Variants in DAAM2 observed in about 807,000 individuals in gnomAD.
DAAM2 encodes the protein disheveled-associated activator of morphogenesis 2.
Under a neutral mutation model 120.7 loss-of-function variants are expected in DAAM2, and 39 were observed. That is an observed-to-expected ratio of 0.32 (90% CI 0.25 to 0.42). The LOEUF (loss-of-function observed/expected upper bound fraction) is 0.42, where lower values mean the gene tolerates loss of function less well. DAAM2 is among the 10% of genes least tolerant of loss of function. DAAM2 has a pLI of 1.00. For synonymous variants in DAAM2, 488 were observed against 524.9 expected (o/e 0.93, Z 0.96); for missense variants, 1,283 against 1,401.7 (o/e 0.92, Z 1.35).
Position 39,825,451 on chromosome 6 carries a change from G to T in DAAM2, c.-56-30796G>T, listed in dbSNP as rs1049716801. Among the ~76,000 whole-genome samples, 3 of 115,042 alleles carry T rather than the reference G, an allele frequency of 2.6e-5. No individual in the cohort carries two copies. In the Admixed American group the frequency reaches 3.2e-4, roughly 12 times the overall value. The allele number at this position is 115,042 out of a possible 152,430, so 75.5% of individuals were successfully genotyped here. On this transcript the variant is annotated intron_variant, in intron 1 of 24. Coordinates refer to ENST00000274867, the MANE Select transcript of DAAM2 (RefSeq NM_001201427.2). ...AAACACAAGGTCGGGGGGTTGGTGG[G>T]GGGCCTTTGTTTCTTGAAGGAAACA...
chr6:39,845,754 C>T (rs191193929), intron 1 of DAAM2, among the ~76,000 whole-genome samples: 43 of 152,040 alleles, frequency 2.8e-4, no homozygotes, highest in Non-Finnish European at 3.1e-4. Flanking sequence ...ACATCCCTCC[C>T]GATGCTTTGT....
At chr6:39,835,996 G>A (rs900005543) in intron 1 of DAAM2, among the ~76,000 whole-genome samples, 3 of 152,138 alleles carry the variant, frequency 2.0e-5, no homozygotes, top group Admixed American at 6.5e-5. Context: ...GGTAGTGGGG[G>A]CAGTTCTAAC....
intron 3 of DAAM2, chr6:39,862,579 A>C (rs1764255141): frequency 6.6e-6 from 1 of 152,040 alleles, no homozygotes; most frequent in African/African-American, 2.4e-5. Flanking sequence ...CGAGGTGGGC[A>C]GATCATCTGA....
chr6:39,851,980 G>A (rs944905277), intron 1 of DAAM2, among the ~76,000 whole-genome samples: 6 of 152,210 alleles, frequency 3.9e-5, no homozygotes, highest in African/African-American at 9.7e-5. Flanking sequence ...CACGAGAAGC[G>A]TTGCTTAACT....
At chr6:39,839,743 A>G (rs768892498) in intron 1 of DAAM2, among the ~76,000 whole-genome samples, 14 of 152,264 alleles carry the variant, frequency 9.2e-5, no homozygotes, top group Non-Finnish European at 1.9e-4. Flanking sequence ...GAGGCTCTGC[A>G]CAGCCAGCCT....
intron 1 of DAAM2, among the ~76,000 whole-genome samples, chr6:39,847,396 G>A (rs73734920): frequency 3.3e-5 from 5 of 152,128 alleles, no homozygotes; most frequent in East Asian, 1.9e-4. Context: ...CAGCAACCCC[G>A]TCTGTGTGAG....
At chr6:39,797,141 A>G (rs893650768) in intron 1 of DAAM2, among the ~76,000 whole-genome samples, 4 of 152,142 alleles carry the variant, frequency 2.6e-5, no homozygotes, top group Admixed American at 2.6e-4. Context: ...GTGACCCTCT[A>G]TTGGAATAAA....
rs1001266721 is a variant in DAAM2 at position 39,868,648 on chromosome 6, T to C, written c.763-175T>C. On this transcript the variant is annotated intron_variant, in intron 6 of 24. Transcript: ENST00000274867. ...CCACTGAGGTGAGAGGCAAGGGAAT[T>C]TTCCAGGCAGAGGTGAGGTTTGGGG... is the stretch of plus-strand genomic sequence containing the variant. The C allele has an allele frequency of 6.5e-5, 38 of 587,822 alleles. 1 individual carries two copies. Among genetic ancestry groups the C allele is most frequent in the Non-Finnish European group, 9.2e-6 (3 of 325,984 alleles). 36.4% of individuals were successfully genotyped at this position (587,822 alleles called of 1,614,324 possible).
chr6:39,816,096 G>A (rs2114096632), intron 1 of DAAM2, among the ~76,000 whole-genome samples: 1 of 152,322 alleles, frequency 6.6e-6, no homozygotes, highest in East Asian at 1.9e-4. Flanking sequence ...ATGCTTTAGT[G>A]ATAGTTTTGG....
At chr6:39,888,616 G>A (rs1765513147) in intron 16 of DAAM2, 63 bp from the exon 17 acceptor site, 10 of 1,428,972 alleles carry the variant, frequency 7.0e-6, no homozygotes, top group Non-Finnish European at 7.8e-6. Context: ...GAAGGCGGAG[G>A]TGGTACCTTT....
intron 1 of DAAM2, among the ~76,000 whole-genome samples, chr6:39,830,240 C>G (rs1241685074): frequency 6.6e-6 from 1 of 152,200 alleles, no homozygotes; most frequent in Non-Finnish European, 1.5e-5. Context: ...AAGCCTGTGT[C>G]TATCTATTTT....
rs1766706050 is a variant in DAAM2, at chr6:39,904,601, G to A, written c.*2564G>A. ...TGGAAATAAAGTGTTTAGGGCAGTG[G>A]GAGGAGAAAATTCTCCAGGTGAATG... On this transcript the variant is annotated 3_prime_UTR_variant, in exon 25 of 25. Coordinates refer to ENST00000274867, the MANE Select transcript of DAAM2 (RefSeq NM_001201427.2). 1 of 454,072 alleles carries A rather than the reference G, an allele frequency of 2.2e-6. No homozygotes were observed. Among genetic ancestry groups the A allele is most frequent in the Admixed American group, 2.4e-5 (1 of 42,528 alleles). The allele number at this position is 454,072 out of a possible 1,614,324, so 28.1% of individuals were successfully genotyped here.
In DAAM2 at chr6:39,901,768, C is replaced by T. The variant is rs1174857475; in HGVS notation, c.2983-45C>T. On this transcript the variant is annotated intron_variant, in intron 24 of 24. Transcript: ENST00000274867. This position sits in a 1 kb window ranked among gnomAD's most constrained non-coding sequence, Gnocchi z 4.5. ...GGTTGGGGGGCTGCCCTGGCCTCAG[C>T]GCCTCTCCCTGAGAGGGTTCCTATC... 104 of 1,461,822 alleles carry T rather than the reference C, an allele frequency of 7.1e-5. No individual in the cohort carries two copies. The highest frequency in any genetic ancestry group is 8.6e-5 in the Non-Finnish European group (95 of 1,105,870). 90.6% of individuals were successfully genotyped at this position (1,461,822 alleles called of 1,614,324 possible).
At chr6:39,863,536 T>A (rs1764301414) in intron 3 of DAAM2, among the ~76,000 whole-genome samples, 1 of 151,866 alleles carries the variant, frequency 6.6e-6, no homozygotes, top group Non-Finnish European at 1.5e-5. Flanking sequence ...GAAGTTAAGT[T>A]TTCATGCCGA....
chr6:39,874,006 T>G (rs1764768809), intron 10 of DAAM2, among the ~76,000 whole-genome samples: 1 of 152,198 alleles, frequency 6.6e-6, no homozygotes, highest in South Asian at 2.1e-4. Context: ...TGAAAACCAG[T>G]GTGGCCCACC....
chr6:39,886,168 C>T (rs968614899), intron 15 of DAAM2: 9 of 372,250 alleles, frequency 2.4e-5, no homozygotes, highest in African/African-American at 1.0e-4. Context: ...GAGTGGTGGT[C>T]GCACTAGGCA....
rs369832239 is a variant in DAAM2, at chr6:39,896,517, T to G, written c.2342-295T>G. Among the ~76,000 whole-genome samples, 94 of 152,284 alleles carry G rather than the reference T, an allele frequency of 6.2e-4. No homozygotes were observed. The East Asian group carries it at 8.5e-3, about 14-fold the overall frequency. On this transcript the variant is annotated intron_variant, in intron 19 of 24. Transcript: ENST00000274867. ...CGCAACCGGCCTTCTTAATAATCTT[T>G]AAATACATGTAAGAAAAGATCTTCT...
intron 1 of DAAM2, among the ~76,000 whole-genome samples, chr6:39,807,704 A>G (rs974102746): frequency 2.6e-5 from 4 of 152,034 alleles, no homozygotes; most frequent in Non-Finnish European, 5.9e-5. Flanking sequence ...TTTGCTAGAG[A>G]TGGGGTTTTG....
Position 39,856,384 on chromosome 6 carries a change from C to T in DAAM2, c.82C>T (p.Arg28Trp), listed in dbSNP as rs745986379. 120 of 1,552,338 alleles carry T rather than the reference C, an allele frequency of 7.7e-5. No individual in the cohort carries two copies. Among genetic ancestry groups the T allele is most frequent in the South Asian group, 6.4e-4 (53 of 82,628 alleles). The stretch of plus-strand genomic sequence containing the variant: ...CAGTGACATCCCCGAAATCAACCTC[C>T]GGGACAACCACCCTCTGCAGTTCAT... The part of the protein sequence containing the change: ...GGSDIPEINL[R>W]DNHPLQFMEF... The change falls in exon 2 of 25, where the codon CGG becomes TGG. Residue 28 changes from arginine to tryptophan, a missense_variant. This residue lies in a region of DAAM2 where 197 missense variants were observed against 189.3 expected (regional missense o/e 1.04). Coordinates refer to ENST00000274867, the MANE Select transcript of DAAM2 (RefSeq NM_001201427.2).
Sources: gnomAD v4.1 joint callset for allele counts (sites outside exome capture counted in the v4.1 genomes callset) on GRCh38, gnomAD v4.1.1 for gene constraint, gnomAD v4.1.1 regional missense constraint, Gnocchi (gnomAD v3.1) non-coding constraint, MANE v1.5 for transcripts, NCBI Gene and HGNC (gene_info 2026-07-23, HGNC 2026-07-21) for gene names.